EFNA5: variants seen among roughly 807,000 people sequenced by gnomAD.
The protein encoded by EFNA5 is ephrin A5, also known as ephrin-A5.
EFNA5 carries 5 observed loss-of-function variants against 22.9 expected under a neutral mutation model. That is an observed-to-expected ratio of 0.22 (90% CI 0.11 to 0.46). The LOEUF (loss-of-function observed/expected upper bound fraction) is 0.46. Ranked by LOEUF, EFNA5 falls within the 20% of genes least tolerant of loss-of-function variation. EFNA5 has a pLI of 0.99. For synonymous variants in EFNA5, 113 were observed against 112.2 expected (o/e 1.01, Z -0.04); for missense variants, 237 against 293.3 (o/e 0.81, Z 1.40).
intron 1 of EFNA5, among the ~76,000 whole-genome samples, chr5:107,613,642 A>G (rs1261436838): frequency 1.3e-5 from 2 of 152,122 alleles, no homozygotes; most frequent in Non-Finnish European, 2.9e-5. Context: ...CAAGAGTTAC[A>G]TTGCTAAGTT....
intron 1 of EFNA5, among the ~76,000 whole-genome samples, chr5:107,619,221 G>A (rs961202780): frequency 1.1e-4 from 16 of 150,822 alleles, no homozygotes; most frequent in African/African-American, 2.2e-4. Context: ...CACCGCACCC[G>A]GCCAGTTGTG....
At chr5:107,472,699 G>A (rs1197841814) in intron 1 of EFNA5, among the ~76,000 whole-genome samples, 3 of 152,174 alleles carry the variant, frequency 2.0e-5, no homozygotes, top group African/African-American at 7.2e-5. Context: ...TCTCAATCAA[G>A]TTAATTAGAG....
Position 107,496,307 on chromosome 5 carries a change from G to A in EFNA5, c.126-68798C>T, listed in dbSNP as rs574602202. Among the ~76,000 whole-genome samples the A allele has an allele frequency of 9.1e-5, 12 of 132,340 alleles. No homozygotes were observed. In the East Asian group the frequency reaches 2.2e-3, roughly 24 times the overall value. 86.8% of individuals were successfully genotyped at this position (132,340 alleles called of 152,430 possible). A position where few individuals can be genotyped will look rare whatever the true frequency, so the allele number is the denominator to read the frequency against. On this transcript the variant is annotated intron_variant, in intron 1 of 4. Transcript: ENST00000333274. ...GCCAAGATCATACCATTGTATTCCAGCCTGGGCAACGAGAGCAAAATTCCA... is the reference window on the plus strand; with the variant it reads ...GCCAAGATCATACCATTGTATTCCAACCTGGGCAACGAGAGCAAAATTCCA...
chr5:107,561,491 C>T (rs1178765314), intron 1 of EFNA5, among the ~76,000 whole-genome samples: 2 of 152,092 alleles, frequency 1.3e-5, no homozygotes, highest in Non-Finnish European at 2.9e-5. Context: ...GCTTCAGCCT[C>T]CTGAGTAGCT....
chr5:107,639,722 C>A (rs1750461404), intron 1 of EFNA5, among the ~76,000 whole-genome samples: 1 of 151,982 alleles, frequency 6.6e-6, no homozygotes, highest in African/African-American at 2.4e-5. Flanking sequence ...TTATTAGTGC[C>A]TTTGTAAACA....
intron 1 of EFNA5, among the ~76,000 whole-genome samples, chr5:107,534,130 T>A (rs1271950477): frequency 6.6e-6 from 1 of 152,222 alleles, no homozygotes; most frequent in Non-Finnish European, 1.5e-5. Context: ...TCTCCAAATA[T>A]TATCCATGCA....
intron 1 of EFNA5, among the ~76,000 whole-genome samples, chr5:107,557,482 C>A (rs889942630): frequency 1.3e-5 from 2 of 152,176 alleles, no homozygotes; most frequent in African/African-American, 4.8e-5. Context: ...ACAGGAATTC[C>A]GAGACTGCGG....
At chr5:107,445,967 T>C (rs916691810) in intron 1 of EFNA5, among the ~76,000 whole-genome samples, 5 of 152,234 alleles carry the variant, frequency 3.3e-5, no homozygotes, top group African/African-American at 9.6e-5. Flanking sequence ...AACTATTTTA[T>C]TGGTTGTGGC....
chr5:107,566,390 G>A (rs923997478), intron 1 of EFNA5, among the ~76,000 whole-genome samples: 2 of 152,082 alleles, frequency 1.3e-5, no homozygotes, highest in Non-Finnish European at 2.9e-5. Flanking sequence ...GGACTCTATC[G>A]ACGAGTCATT....
At chr5:107,438,915 A>G (rs897159010) in intron 1 of EFNA5, among the ~76,000 whole-genome samples, 1 of 152,186 alleles carries the variant, frequency 6.6e-6, no homozygotes, top group African/African-American at 2.4e-5. Context: ...CATCATCAGA[A>G]TGTGTTAGCA....
At position 107,505,808 on chromosome 5, in the gene EFNA5, TC is replaced by T. The variant is rs1408763854; in HGVS notation, c.126-78300del. On this transcript the variant is annotated intron_variant, in intron 1 of 4. Transcript: ENST00000333274. ...TTACCTAACTCATTTAATCCCCCTTTCCCATCTCTCTCTCTTTTTCTCTCCC... is the reference window on the plus strand; with the variant it reads ...TTACCTAACTCATTTAATCCCCCTTTCCATCTCTCTCTCTTTTTCTCTCCC... Among the ~76,000 whole-genome samples the T allele has an allele frequency of 2.6e-5, 4 of 152,052 alleles. No individual in the cohort carries two copies. The East Asian group carries it at 7.7e-4, about 29-fold the overall frequency.
intron 2 of EFNA5, among the ~76,000 whole-genome samples, chr5:107,410,176 C>T (rs1001019558): frequency 6.6e-6 from 1 of 151,802 alleles, no homozygotes; most frequent in African/African-American, 2.4e-5. Context: ...TACAGGCACC[C>T]GCCACCACAC....
Position 107,377,899 on chromosome 5 carries a change from C to T in EFNA5, c.*3356G>A, listed in dbSNP as rs1016299176. The stretch of plus-strand genomic sequence containing the variant: ...CATCAGACCTTGAAAACACCGAGGA[C>T]AAAATATCGATCAAAAAAGTCATGT... On this transcript the variant is annotated 3_prime_UTR_variant, in exon 5 of 5. Coordinates refer to ENST00000333274, the MANE Select transcript of EFNA5 (RefSeq NM_001962.3). 1.3e-5 allele frequency: 2 copies of T among 152,074 alleles called. No homozygotes were observed. Among genetic ancestry groups the T allele is most frequent in the African/African-American group, 4.8e-5 (2 of 41,404 alleles). 9.4% of individuals were successfully genotyped at this position (152,074 alleles called of 1,614,324 possible).
chr5:107,642,617 T>C (rs935761376), intron 1 of EFNA5, among the ~76,000 whole-genome samples: 2 of 152,132 alleles, frequency 1.3e-5, no homozygotes, highest in African/African-American at 4.8e-5. Context: ...AATTGGGCAG[T>C]TATAGCATTC....
intron 1 of EFNA5, among the ~76,000 whole-genome samples, chr5:107,450,067 G>T (rs1217367252): frequency 1.3e-5 from 2 of 152,168 alleles, no homozygotes; most frequent in African/African-American, 4.8e-5. Flanking sequence ...GCAAACGATG[G>T]GTTATTTTTG....
chr5:107,514,570 C>G (rs931844050), intron 1 of EFNA5, among the ~76,000 whole-genome samples: 2 of 152,126 alleles, frequency 1.3e-5, no homozygotes, highest in African/African-American at 4.8e-5. Context: ...CATACAAGGG[C>G]AGATTTATTT....
chr5:107,396,470 C>T (rs761495228), intron 2 of EFNA5, among the ~76,000 whole-genome samples: 5 of 152,294 alleles, frequency 3.3e-5, no homozygotes, highest in South Asian at 4.1e-4. Flanking sequence ...ATCAGCTCTG[C>T]GCTTACTGGG....
intron 1 of EFNA5, among the ~76,000 whole-genome samples, chr5:107,639,111 G>A (rs149106899): frequency 4.1e-4 from 62 of 152,146 alleles, no homozygotes; most frequent in African/African-American, 1.5e-3. Flanking sequence ...ATATTACTTC[G>A]GTGATTTAAC....
rs543746490 is a variant in EFNA5 at position 107,462,960 on chromosome 5, T to G, written c.126-35451A>C. Among the ~76,000 whole-genome samples the G allele has an allele frequency of 1.8e-4, 28 of 152,286 alleles. No individual in the cohort carries two copies. The East Asian group carries it at 5.4e-3, about 29-fold the overall frequency. ...ACACAGCTTGCTAGTGGGCAGGAGA[T>G]GTGGGTTCTAGTCCCCATTCAGTCA... is the stretch of plus-strand genomic sequence containing the variant. On this transcript the variant is annotated intron_variant, in intron 1 of 4. Transcript: ENST00000333274.
Sources: allele counts gnomAD v4.1 joint callset (sites outside exome capture counted in the v4.1 genomes callset), GRCh38; gene constraint gnomAD v4.1.1; transcripts MANE v1.5; gene names NCBI Gene and HGNC (gene_info 2026-07-23, HGNC 2026-07-21).